Variants in ITGB3BP observed in about 807,000 individuals in gnomAD.
The protein encoded by ITGB3BP is centromere protein R.
Under a neutral mutation model 29.1 loss-of-function variants are expected in ITGB3BP, and 27 were observed. The observed-to-expected ratio is 0.93, with a 90% CI of 0.68 to 1.28. The LOEUF (loss-of-function observed/expected upper bound fraction) is 1.28, where lower values mean the gene tolerates loss of function less well. Ranked by LOEUF, ITGB3BP falls within the 50% of genes most tolerant of loss-of-function variation. ITGB3BP has a pLI of 0.00. For missense variants in ITGB3BP, 192 were observed against 200.2 expected, an observed-to-expected ratio of 0.96 and a Z score of 0.25; for synonymous variants, 61 against 61.4, an observed-to-expected ratio of 0.99 and a Z score of 0.03.
rs1007696908 is a variant in ITGB3BP at position 63,455,408 on chromosome 1, TA to T, written c.255-441del. On this transcript the variant is annotated intron_variant, in intron 4 of 8. Transcript: ENST00000271002. ...GCTTTTTGGAAAAATGCTTCTAGTT[TA>T]AAAAAAAAAATTGTGTAACTTTGTT... Among the ~76,000 whole-genome samples the T allele has an allele frequency of 6.8e-3, 1,020 of 149,064 alleles. 10 individuals carry two copies. The highest frequency in any genetic ancestry group is 0.023 in the African/African-American group (939 of 40,906).
At chr1:63,474,845 C>T (rs1320497547) in intron 4 of ITGB3BP, among the ~76,000 whole-genome samples, 1 of 150,616 alleles carries the variant, frequency 6.6e-6, no homozygotes, top group East Asian at 2.0e-4. Context: ...TGTCCTATGA[C>T]CCTGCCAAAT....
At chr1:63,528,736 T>C (rs780715442) in intron 2 of ITGB3BP, among the ~76,000 whole-genome samples, 26 of 152,144 alleles carry the variant, frequency 1.7e-4, no homozygotes, top group Non-Finnish European at 3.5e-4. Context: ...AAAGGCACTT[T>C]AGGCTTAACA....
intron 4 of ITGB3BP, among the ~76,000 whole-genome samples, chr1:63,471,266 T>TTG (rs1645192085): frequency 6.7e-6 from 1 of 150,060 alleles, no homozygotes; most frequent in Non-Finnish European, 1.5e-5. Context: ...CTAAAAGTTT[T>TTG]TTTTTTTTTT....
intron 2 of ITGB3BP, 134 bp downstream of exon 2, chr1:63,508,393 TA>T (rs1444732502): frequency 2.0e-6 from 1 of 504,178 alleles, no homozygotes; most frequent in Admixed American, 4.1e-5. Flanking sequence ...GAAAATGGTG[TA>T]CCAATCACAA....
chr1:63,503,336 T>C (rs1645986939), intron 2 of ITGB3BP, among the ~76,000 whole-genome samples: 2 of 152,156 alleles, frequency 1.3e-5, no homozygotes, highest in Non-Finnish European at 2.9e-5. Flanking sequence ...TCTGTTCATA[T>C]CCTTTGCCCA....
intron 2 of ITGB3BP, among the ~76,000 whole-genome samples, chr1:63,492,189 CTGTGTGTGTGTGTG>C (rs10610086): frequency 2.7e-5 from 4 of 149,078 alleles, no homozygotes; most frequent in South Asian, 2.1e-4. Flanking sequence ...TGCATGTGCT[CTGTGTGTGTGTGTG>C]TGTGTGTGTG....
intron 1 of ITGB3BP, among the ~76,000 whole-genome samples, chr1:63,516,981 CCT>C (rs1467953103): frequency 6.6e-6 from 1 of 151,332 alleles, no homozygotes; most frequent in Non-Finnish European, 1.5e-5. Context: ...ACATATACAC[CCT>C]GAGTCTATAA....
intron 4 of ITGB3BP, chr1:63,457,966 G>A (rs1027957169): frequency 2.0e-5 from 3 of 148,596 alleles, no homozygotes; most frequent in Non-Finnish European, 4.5e-5. Flanking sequence ...AAAGCATCTC[G>A]TAGTTTTTCT....
In ITGB3BP at chr1:63,481,866, G is replaced by C. The variant is rs1416081901; in HGVS notation, c.185-3033C>G. ...TTCCCATTTTACAGATGAGAAAATA[G>C]AAGTACAGAATGGTTACAAACTTAT... On this transcript the variant is annotated intron_variant, in intron 3 of 8. Coordinates refer to ENST00000271002, the MANE Select transcript of ITGB3BP (RefSeq NM_014288.5). 2.6e-5 allele frequency among the ~76,000 whole-genome samples: 4 copies of C among 152,278 alleles called. No individual in the cohort carries two copies. The East Asian group carries it at 5.8e-4, about 22-fold the overall frequency.
chr1:63,515,083 G>A (rs1246337102), intron 1 of ITGB3BP, among the ~76,000 whole-genome samples: 1 of 152,046 alleles, frequency 6.6e-6, no homozygotes, highest in East Asian at 1.9e-4. Flanking sequence ...CGTCTTGCCT[G>A]AAATTTCACC....
intron 8 of ITGB3BP, among the ~76,000 whole-genome samples, chr1:63,445,301 C>A (rs1644777364): frequency 1.5e-5 from 2 of 130,358 alleles, no homozygotes; most frequent in Non-Finnish European, 1.6e-5. Context: ...ACAAACAAAA[C>A]AACAGAAAGT....
chr1:63,440,944 T>C lies in ITGB3BP; in HGVS notation c.*161A>G, dbSNP rs1389299485. On this transcript the variant is annotated 3_prime_UTR_variant, in exon 9 of 9. Transcript: ENST00000271002. ...TATCTACTGGTGCGTGTAGAAAGTT[T>C]AAATTAGCTGCAAGAAATTTTATCT... The C allele has an allele frequency of 2.0e-5, 3 of 152,636 alleles. No homozygotes were observed. Among genetic ancestry groups the C allele is most frequent in the African/African-American group, 7.2e-5 (3 of 41,442 alleles). The allele number at this position is 152,636 out of a possible 1,614,324, so 9.5% of individuals were successfully genotyped here. A position where few individuals can be genotyped will look rare whatever the true frequency, so the allele number is the denominator to read the frequency against.
intron 2 of ITGB3BP, among the ~76,000 whole-genome samples, chr1:63,502,489 C>G (rs1028754356): frequency 1.4e-5 from 2 of 147,170 alleles, no homozygotes; most frequent in Non-Finnish European, 3.0e-5. Flanking sequence ...GCCTCAGAAT[C>G]ATGGCGGGAG....
At chr1:63,520,696 G>A (rs1037658333) in intron 1 of ITGB3BP, among the ~76,000 whole-genome samples, 6 of 152,034 alleles carry the variant, frequency 3.9e-5, no homozygotes, top group African/African-American at 1.4e-4. Flanking sequence ...AAATAAGCAC[G>A]CATAAACTCA....
chr1:63,504,771 TG>T lies in ITGB3BP; in HGVS notation c.48+3756del, dbSNP rs560129979. 7.8e-3 allele frequency among the ~76,000 whole-genome samples: 1,193 copies of T among 152,340 alleles called. 13 individuals carry two copies. Among genetic ancestry groups the T allele is most frequent in the African/African-American group, 0.026 (1,079 of 41,572 alleles). The stretch of plus-strand genomic sequence containing the variant: ...TTTTCCACATCTATTGAGATAATCA[TG>T]TGGTTTTTGTCGTTGGTTCTGTTTA... On this transcript the variant is annotated intron_variant, in intron 2 of 8. Transcript: ENST00000271002.
chr1:63,475,825 C>A (rs377741431), intron 4 of ITGB3BP, among the ~76,000 whole-genome samples: 1 of 151,740 alleles, frequency 6.6e-6, no homozygotes, highest in African/African-American at 2.4e-5. Flanking sequence ...AGGCAGAACC[C>A]GGTCTCTACT....
intron 2 of ITGB3BP, among the ~76,000 whole-genome samples, chr1:63,498,060 A>G (rs1399791120): frequency 1.3e-5 from 2 of 152,226 alleles, no homozygotes; most frequent in African/African-American, 4.8e-5. Context: ...ACATAAAACA[A>G]AAACTGGCAG....
chr1:63,513,476 T>C (rs1295595837), intron 1 of ITGB3BP, among the ~76,000 whole-genome samples: 1 of 152,160 alleles, frequency 6.6e-6, no homozygotes, highest in East Asian at 1.9e-4. Flanking sequence ...TGCACCAGCT[T>C]TGGAATCAGC....
intron 2 of ITGB3BP, among the ~76,000 whole-genome samples, chr1:63,493,509 C>T (rs1325555369): frequency 1.3e-5 from 2 of 152,046 alleles, no homozygotes; most frequent in African/African-American, 2.4e-5. Flanking sequence ...CATTTCTAAA[C>T]AAAAGAAATG....
Sources: allele counts gnomAD v4.1 joint callset (sites outside exome capture counted in the v4.1 genomes callset), GRCh38; gene constraint gnomAD v4.1.1; transcripts MANE v1.5; gene names NCBI Gene and HGNC (gene_info 2026-07-23, HGNC 2026-07-21).